GDI2: variants seen among roughly 807,000 people sequenced by gnomAD.
The protein encoded by GDI2 is rab GDP dissociation inhibitor beta.
Under a neutral mutation model 54.2 loss-of-function variants are expected in GDI2, and 22 were observed. The observed-to-expected ratio is 0.41, with a 90% confidence interval of 0.29 to 0.58. GDI2 has a LOEUF of 0.58. Ranked by LOEUF, GDI2 falls within the 20% of genes least tolerant of loss-of-function variation. GDI2 has a pLI of 0.35. For synonymous variants in GDI2, 177 were observed against 182.1 expected, an observed-to-expected ratio of 0.97 and a Z score of 0.23; for missense variants, 422 against 546.0, an observed-to-expected ratio of 0.77 and a Z score of 2.26.
intron 6 of GDI2, among the ~76,000 whole-genome samples, chr10:5,778,655 T>C (rs1185463308): frequency 6.6e-6 from 1 of 152,256 alleles, no homozygotes; most frequent in African/African-American, 2.4e-5. Flanking sequence ...CTTTGTTTAT[T>C]GTATAATGTA....
Position 5,776,144 on chromosome 10 carries a change from G to T in GDI2, c.720-2203C>A, listed in dbSNP as rs1272008801. 1.8e-5 allele frequency: 5 copies of T among 272,506 alleles called. No homozygotes were observed. Among genetic ancestry groups the T allele is most frequent in the Non-Finnish European group, 3.7e-5 (5 of 134,384 alleles). The allele number at this position is 272,506 out of a possible 1,614,324, so 16.9% of individuals were successfully genotyped here. A position where few individuals can be genotyped will look rare whatever the true frequency, so the allele number is the denominator to read the frequency against. ...AGCAACTACAAAGAAGCTATTTCTT[G>T]TCACAAAAAGGCTGCGGCATATCCT... is the stretch of plus-strand genomic sequence containing the variant. On this transcript the variant is annotated intron_variant, in intron 6 of 10. Coordinates refer to ENST00000380191, the MANE Select transcript of GDI2 (RefSeq NM_001494.4). This position sits in a 1 kb window ranked among gnomAD's most constrained non-coding sequence, Gnocchi z 5.3.
At chr10:5,786,677 C>CAT (rs1012954016) in intron 4 of GDI2, among the ~76,000 whole-genome samples, 16 of 152,122 alleles carry the variant, frequency 1.1e-4, no homozygotes, top group Non-Finnish European at 1.0e-4. Context: ...AACAAGTATC[C>CAT]ATGAAGCCAC....
Position 5,776,883 on chromosome 10 carries a change from GGGA to G in GDI2, c.720-2945_720-2943del. On this transcript the variant is annotated intron_variant, in intron 6 of 10. Transcript: ENST00000380191. This position sits in a 1 kb window ranked among gnomAD's most constrained non-coding sequence, Gnocchi z 5.3. ...ATTAAAATGGAAGGCCAGAGAAGAG[GGGA>G]GAAGAGGAAATAATGCGAAAACAGT... 1.0e-6 allele frequency: 1 copy of G among 971,106 alleles called. No homozygotes were observed. The highest frequency in any genetic ancestry group is 1.5e-6 in the Non-Finnish European group (1 of 660,870). 60.2% of individuals were successfully genotyped at this position (971,106 alleles called of 1,614,324 possible). A position where few individuals can be genotyped will look rare whatever the true frequency, so the allele number is the denominator to read the frequency against.
chr10:5,767,193 C>CA (rs57625608), intron 8 of GDI2, among the ~76,000 whole-genome samples: 791 of 140,652 alleles, frequency 5.6e-3, no homozygotes, highest in Middle Eastern at 0.011. Context: ...ATTTAAAGGC[C>CA]AAAAAAAAAA....
chr10:5,774,093 CAG>C lies in GDI2; in HGVS notation c.720-154_720-153del, dbSNP rs1461342017. The C allele has an allele frequency of 1.6e-5, 7 of 431,090 alleles. No homozygotes were observed. The highest frequency in any genetic ancestry group is 2.5e-5 in the African/African-American group (1 of 40,314). 26.7% of individuals were successfully genotyped at this position (431,090 alleles called of 1,614,324 possible). ...CTTAGAAGTGATTAAAGCAAGAAAA[CAG>C]AGTCAAAAACACAAACATAATCAGT... On this transcript the variant is annotated intron_variant, in intron 6 of 10. Coordinates refer to ENST00000380191, the MANE Select transcript of GDI2 (RefSeq NM_001494.4). The surrounding 1 kb of genome is among the most constrained non-coding windows in gnomAD (Gnocchi z 4.8).
intron 7 of GDI2, among the ~76,000 whole-genome samples, chr10:5,773,350 C>T (rs562427998): frequency 1.3e-5 from 2 of 152,158 alleles, no homozygotes; most frequent in South Asian, 2.1e-4. Flanking sequence ...TAAAGGGAAA[C>T]GATCTTTTTT....
chr10:5,768,649 C>A lies in GDI2; in HGVS notation c.820-265G>T, dbSNP rs941231622. The A allele has an allele frequency of 3.1e-6, 1 of 326,088 alleles. No homozygotes were observed. Among genetic ancestry groups the A allele is most frequent in the Non-Finnish European group, 5.6e-6 (1 of 177,844 alleles). The allele number at this position is 326,088 out of a possible 1,614,324, so 20.2% of individuals were successfully genotyped here. A position where few individuals can be genotyped will look rare whatever the true frequency, so the allele number is the denominator to read the frequency against. ...ATGACAAACGTATGGACCAATGAAA[C>A]GAGGAGAGAGCCAGAAATAAACCCT... On this transcript the variant is annotated intron_variant, in intron 7 of 10. Transcript: ENST00000380191. This position sits in a 1 kb window ranked among gnomAD's most constrained non-coding sequence, Gnocchi z 4.4.
chr10:5,810,255 C>G (rs1841457951), intron 1 of GDI2, among the ~76,000 whole-genome samples: 1 of 152,134 alleles, frequency 6.6e-6, no homozygotes, highest in Admixed American at 6.6e-5. Context: ...GTATATATTT[C>G]TATTCATAAA....
Position 5,765,874 on chromosome 10 carries a change from T to G in GDI2, c.*132A>C. The G allele has an allele frequency of 1.6e-6, 1 of 644,784 alleles. No homozygotes were observed. Among genetic ancestry groups the G allele is most frequent in the South Asian group, 2.3e-5 (1 of 43,948 alleles). 39.9% of individuals were successfully genotyped at this position (644,784 alleles called of 1,614,324 possible). On this transcript the variant is annotated 3_prime_UTR_variant, in exon 11 of 11. Transcript: ENST00000380191. The stretch of plus-strand genomic sequence containing the variant: ...TAATAATTAGAAAGGTGAAGGGGAG[T>G]ATTTACTGGCACAGCGCTCTTCATT...
At chr10:5,799,630 C>T (rs918204542) in intron 2 of GDI2, among the ~76,000 whole-genome samples, 1 of 152,114 alleles carries the variant, frequency 6.6e-6, no homozygotes, top group African/African-American at 2.4e-5. Flanking sequence ...CCAGCCTGGG[C>T]GGCAGAGCAA....
At chr10:5,799,596 G>A (rs890068958) in intron 2 of GDI2, among the ~76,000 whole-genome samples, 4 of 152,152 alleles carry the variant, frequency 2.6e-5, no homozygotes, top group Admixed American at 6.5e-5. Flanking sequence ...AAGCCATAGG[G>A]AGGCGAGACT....
intron 4 of GDI2, among the ~76,000 whole-genome samples, chr10:5,791,902 A>G (rs1444222011): frequency 2.0e-5 from 3 of 152,228 alleles, no homozygotes; most frequent in South Asian, 2.1e-4. Flanking sequence ...GGGGACAAAG[A>G]AAAAAACAGT....
At chr10:5,784,077 T>C (rs1049511038) in intron 6 of GDI2, among the ~76,000 whole-genome samples, 30 of 152,256 alleles carry the variant, frequency 2.0e-4, no homozygotes, top group Non-Finnish European at 7.3e-5. Flanking sequence ...ACACCAATTA[T>C]TCTTAGGCTT....
chr10:5,776,782 T>C lies in GDI2; in HGVS notation c.720-2841A>G. ...AAGCCAAGGACATTCCAATCCCCAA[T>C]CTTCCTCCCTTGGATTTTCCATCTC... On this transcript the variant is annotated intron_variant, in intron 6 of 10. Coordinates refer to ENST00000380191, the MANE Select transcript of GDI2 (RefSeq NM_001494.4). The surrounding 1 kb of genome is among the most constrained non-coding windows in gnomAD (Gnocchi z 5.3). 6.5e-7 allele frequency: 1 copy of C among 1,536,898 alleles called. No individual in the cohort carries two copies.
chr10:5,791,215 A>G (rs1028547664), intron 4 of GDI2, among the ~76,000 whole-genome samples: 4 of 152,128 alleles, frequency 2.6e-5, no homozygotes, highest in Non-Finnish European at 5.9e-5. Context: ...GGATCACTTG[A>G]GCCCAGGAGG....
intron 7 of GDI2, among the ~76,000 whole-genome samples, chr10:5,773,476 TTA>T (rs1840545398): frequency 6.6e-6 from 1 of 152,148 alleles, no homozygotes; most frequent in South Asian, 2.1e-4. Context: ...TAATGATGCT[TTA>T]TATATAATTC....
intron 4 of GDI2, among the ~76,000 whole-genome samples, chr10:5,794,276 C>T (rs1158342038): frequency 7.8e-6 from 1 of 127,692 alleles, no homozygotes; most frequent in Non-Finnish European, 1.6e-5. Flanking sequence ...TTGGGAATTA[C>T]TAACAAGACC....
chr10:5,778,261 C>G (rs900393296), intron 6 of GDI2, among the ~76,000 whole-genome samples: 2 of 151,974 alleles, frequency 1.3e-5, no homozygotes, highest in Non-Finnish European at 2.9e-5. Context: ...CACATGTACC[C>G]CAGAACTTAA....
At chr10:5,812,417 T>C (rs1417502470) in intron 1 of GDI2, among the ~76,000 whole-genome samples, 1 of 152,136 alleles carries the variant, frequency 6.6e-6, no homozygotes, top group East Asian at 1.9e-4. Flanking sequence ...GAACTTGGCT[T>C]TTAGCAATCC....
Sources: allele counts gnomAD v4.1 joint callset (sites outside exome capture counted in the v4.1 genomes callset), GRCh38; gene constraint gnomAD v4.1.1; non-coding constraint Gnocchi (gnomAD v3.1); transcripts MANE v1.5; gene names NCBI Gene and HGNC (gene_info 2026-07-23, HGNC 2026-07-21).